Variants in CD59 observed in about 807,000 individuals in gnomAD.
CD59 encodes the protein CD59 molecule (CD59 blood group).
In CD59, 3 loss-of-function variants were observed where a neutral mutation model predicts 7.0. The ratio of observed to expected loss-of-function variants is 0.43; its 90% CI spans 0.19 to 1.10. The LOEUF is 1.10. Among genes scored for constraint, CD59 ranks in the 50% least tolerant of loss-of-function variants. The pLI is 0.29. For missense variants in CD59, 143 were observed against 151.0 expected, an observed-to-expected ratio of 0.95 and a Z score of 0.28; for synonymous variants, 60 against 62.0, an observed-to-expected ratio of 0.97 and a Z score of 0.15.
intron 3 of CD59, among the ~76,000 whole-genome samples, chr11:33,710,723 C>T (rs78646590): frequency 0.14 from 20,261 of 143,142 alleles, 2,754 homozygotes; most frequent in African/African-American, 0.37. Context: ...CTTTTCTTTT[C>T]TTTTTTTTTT....
At chr11:33,715,152 C>T (rs1346419757) in intron 3 of CD59, among the ~76,000 whole-genome samples, 1 of 151,788 alleles carries the variant, frequency 6.6e-6, no homozygotes, top group Non-Finnish European at 1.5e-5. Flanking sequence ...ATACACAAAC[C>T]AGTAACACAT....
intron 3 of CD59, among the ~76,000 whole-genome samples, chr11:33,712,704 C>A (rs762365361): frequency 6.6e-6 from 1 of 152,072 alleles, no homozygotes; most frequent in Admixed American, 6.6e-5. Flanking sequence ...TAGACAGTTG[C>A]GATAAGTCAT....
intron 2 of CD59, 56 bp from the exon 3 acceptor site, chr11:33,717,527 C>T: frequency 1.8e-6 from 2 of 1,112,810 alleles, no homozygotes; most frequent in Non-Finnish European, 2.7e-6. Context: ...TGTCCCCTGG[C>T]AGCCCACCAT....
chr11:33,703,306 A>C lies in CD59; in HGVS notation c.*6820T>G, dbSNP rs955393821. 2 of 152,204 alleles carry C rather than the reference A, an allele frequency of 1.3e-5. No homozygotes were observed. The highest frequency in any genetic ancestry group is 4.8e-5 in the African/African-American group (2 of 41,454). 9.4% of individuals were successfully genotyped at this position (152,204 alleles called of 1,614,324 possible). A position where few individuals can be genotyped will look rare whatever the true frequency, so the allele number is the denominator to read the frequency against. ...CAGGAGGCAAAGTCCCTATGAGGTA[A>C]TAATAAACCCACGAGGTTAAGGCAA... is the stretch of plus-strand genomic sequence containing the variant. On this transcript the variant is annotated 3_prime_UTR_variant, in exon 4 of 4. Coordinates refer to ENST00000642928, the MANE Select transcript of CD59 (RefSeq NM_000611.6).
intron 1 of CD59, among the ~76,000 whole-genome samples, chr11:33,724,501 A>G (rs831627): frequency 0.98 from 148,843 of 152,302 alleles, 72,755 homozygotes; most frequent in East Asian, 1. Context: ...AGATAGTTAC[A>G]TGTACTGCAT....
rs1039839331 is a variant in CD59, at chr11:33,707,627, T to C, written c.*2499A>G. ...TATTGGCTCTCGAGCAGAGAGCCAGTAGGCATGACTGGTGTTCGATTCCTA... is the reference window on the plus strand; with the variant it reads ...TATTGGCTCTCGAGCAGAGAGCCAGCAGGCATGACTGGTGTTCGATTCCTA... On this transcript the variant is annotated 3_prime_UTR_variant, in exon 4 of 4. Coordinates refer to ENST00000642928, the MANE Select transcript of CD59 (RefSeq NM_000611.6). The C allele has an allele frequency of 6.6e-6, 1 of 152,232 alleles. No homozygotes were observed. The highest frequency in any genetic ancestry group is 2.4e-5 in the African/African-American group (1 of 41,466). 9.4% of individuals were successfully genotyped at this position (152,232 alleles called of 1,614,324 possible). A position where few individuals can be genotyped will look rare whatever the true frequency, so the allele number is the denominator to read the frequency against.
At chr11:33,729,678 A>G (rs1854357662) in intron 1 of CD59, among the ~76,000 whole-genome samples, 1 of 151,518 alleles carries the variant, frequency 6.6e-6, no homozygotes, top group South Asian at 2.1e-4. Context: ...TTAAAAAAGA[A>G]CTTAAACCCC....
intron 2 of CD59, 179 bp from the exon 3 acceptor site, chr11:33,717,650 G>C (rs1853862354): frequency 3.2e-6 from 2 of 616,176 alleles, no homozygotes; most frequent in Non-Finnish European, 5.9e-6. Flanking sequence ...AACATTTTTT[G>C]GACCCTGATG....
In CD59 at chr11:33,709,024, C is replaced by G. The variant is rs1298410853; in HGVS notation, c.*1102G>C. ...CTTGAGATTCATTCACTAGAATACA[C>G]AGGGAAAAGGAAAAAGTTTGCCCTT... On this transcript the variant is annotated 3_prime_UTR_variant, in exon 4 of 4. Transcript: ENST00000642928. The G allele has an allele frequency of 6.6e-6, 1 of 152,162 alleles. No individual in the cohort carries two copies. Among genetic ancestry groups the G allele is most frequent in the Non-Finnish European group, 1.5e-5 (1 of 68,028 alleles). The allele number at this position is 152,162 out of a possible 1,614,324, so 9.4% of individuals were successfully genotyped here.
chr11:33,714,946 T>TC (rs908523711), intron 3 of CD59, among the ~76,000 whole-genome samples: 3 of 151,210 alleles, frequency 2.0e-5, no homozygotes, highest in Non-Finnish European at 4.4e-5. Flanking sequence ...GTTTTTTTTT[T>TC]TTTTTTTCTT....
intron 1 of CD59, chr11:33,733,623 TAAAAA>T: frequency 6.7e-6 from 1 of 149,566 alleles, no homozygotes; most frequent in Admixed American, 6.6e-5. Flanking sequence ...GTCTCAAAAT[TAAAAA>T]AAAAAATTAT....
intron 1 of CD59, chr11:33,722,674 C>T (rs1854125371): frequency 8.0e-6 from 11 of 1,373,032 alleles, no homozygotes; most frequent in Non-Finnish European, 1.0e-5. Context: ...CCAGTGTGTA[C>T]TACCACACTG....
rs1045147691 is a variant in CD59, at chr11:33,709,833, A to T, written c.*293T>A. On this transcript the variant is annotated 3_prime_UTR_variant, in exon 4 of 4. Transcript: ENST00000642928. ...TCTGAGGGCTGCAGAGAACCCACTC[A>T]AGCTGTCACTGCAAAGCTGGTCTTC... 7.5e-6 allele frequency: 4 copies of T among 530,078 alleles called. No homozygotes were observed. The African/African-American group carries it at 7.6e-5, about 10-fold the overall frequency. 32.8% of individuals were successfully genotyped at this position (530,078 alleles called of 1,614,324 possible).
At chr11:33,734,260 T>C (rs1306391380) in intron 1 of CD59, among the ~76,000 whole-genome samples, 1 of 152,194 alleles carries the variant, frequency 6.6e-6, no homozygotes, top group East Asian at 1.9e-4. Context: ...CGGAAAAGGC[T>C]TTCCAATCCA....
chr11:33,730,668 CTT>C (rs1014314485), intron 1 of CD59, among the ~76,000 whole-genome samples: 1 of 152,178 alleles, frequency 6.6e-6, no homozygotes, highest in Non-Finnish European at 1.5e-5. Flanking sequence ...CTGTTTGCCT[CTT>C]TAAGAAATTG....
intron 1 of CD59, among the ~76,000 whole-genome samples, chr11:33,734,811 G>A (rs1325728986): frequency 1.3e-5 from 2 of 152,194 alleles, no homozygotes; most frequent in African/African-American, 2.4e-5. Context: ...TGGCGGTTTG[G>A]CTGAGGTTCT....
Position 33,710,274 on chromosome 11 carries a change from C to T in CD59, c.239G>A (p.Arg80Lys). ...CNFNDVTTRL[R>K]ENELTYYCCK... ...GCAGTAGTACGTTAGCTCATTTTCC[C>T]TCAAGCGGGTTGTGACGTCGTTGAA... Residue 80 changes from arginine (R) to lysine (K), a missense_variant, in exon 4 of 4, where the codon AGG (arginine) becomes AAG (lysine). Transcript: ENST00000642928. 6.2e-7 allele frequency: 1 copy of T among 1,614,192 alleles called. No homozygotes were observed. Among genetic ancestry groups the T allele is most frequent in the Non-Finnish European group, 8.5e-7 (1 of 1,180,028 alleles).
rs1281497828 is a variant in CD59 at position 33,717,461 on chromosome 11, C to G, written c.78G>C (p.Leu26=). The G allele has an allele frequency of 6.2e-7, 1 of 1,604,270 alleles. No homozygotes were observed. Residue 26 remains leucine (L), a synonymous_variant, in exon 3 of 4, where the codon CTG becomes CTC. Coordinates refer to ENST00000642928, the MANE Select transcript of CD59 (RefSeq NM_000611.6). ...LAVFCHSGHS[L]QCYNCPNPTA... ...TTGGGTTAGGACAGTTGTAGCACTG[C>G]AGGCTATGACCTAGAATCAGGAAGA...
At chr11:33,722,839 G>C in intron 1 of CD59, 2 of 929,484 alleles carry the variant, frequency 2.2e-6, no homozygotes, top group South Asian at 3.8e-5. Context: ...AGCACTAAGT[G>C]AATCAGACCA....
Sources: allele counts gnomAD v4.1 joint callset (sites outside exome capture counted in the v4.1 genomes callset), GRCh38; gene constraint gnomAD v4.1.1; transcripts MANE v1.5; gene names NCBI Gene and HGNC (gene_info 2026-07-23, HGNC 2026-07-21).